The following RBPJ variants were observed in gnomAD, a reference collection of about 807,000 sequenced individuals.
RBPJ encodes recombination signal binding protein for immunoglobulin kappa J region, also known as recombining binding protein suppressor of hairless.
RBPJ carries 9 observed loss-of-function variants against 67.8 expected under a neutral mutation model. The ratio of observed to expected loss-of-function variants is 0.13; its 90% CI spans 0.08 to 0.23. The LOEUF (loss-of-function observed/expected upper bound fraction) is 0.23. Among genes scored for constraint, RBPJ ranks in the 10% least tolerant of loss-of-function variants. The pLI, the probability that RBPJ is intolerant of heterozygous loss-of-function variation, is 1.00. For synonymous variants in RBPJ, 198 were observed against 203.3 expected (o/e 0.97, Z 0.22); for missense variants, 305 against 595.6 (o/e 0.51, Z 5.08).
At position 26,224,705 on chromosome 4, in the gene RBPJ, A is replaced by G. The variant is rs531160838; in HGVS notation, c.-167+61091A>G. ...CAGAATCCAAGTAACATGAGCTTCT[A>G]CTGAAGCATGGTGTTAGCATGCAGT... On this transcript the variant is annotated intron_variant, in intron 1 of 4. Coordinates refer to the RBPJ transcript ENST00000512351. Among the ~76,000 whole-genome samples the G allele has an allele frequency of 4.6e-5, 7 of 152,310 alleles. No homozygotes were observed. In the South Asian group the frequency reaches 1.5e-3, roughly 32 times the overall value.
chr4:26,153,389 T>A, the RBPJ span, among the ~76,000 whole-genome samples: 5 of 152,202 alleles, frequency 3.3e-5, no homozygotes, highest in African/African-American at 1.2e-4. Context: ...GCATCAGCTG[T>A]GAAACAACAG....
At chr4:26,220,918 A>G (rs1265762934) in intron 1 of RBPJ, among the ~76,000 whole-genome samples, 1 of 152,216 alleles carries the variant, frequency 6.6e-6, no homozygotes, top group Non-Finnish European at 1.5e-5. Flanking sequence ...GCCCAAACAC[A>G]TATTTTGGCC....
chr4:26,320,915 G>A, upstream of RBPJ: 2 of 1,602,064 alleles, frequency 1.2e-6, no homozygotes, highest in Non-Finnish European at 1.7e-6. Flanking sequence ...GGGAGCGCGG[G>A]GGCTGGGTGG....
chr4:26,192,091 C>T (rs1717577986), intron 1 of RBPJ, among the ~76,000 whole-genome samples: 1 of 151,894 alleles, frequency 6.6e-6, no homozygotes, highest in Non-Finnish European at 1.5e-5. Context: ...TCACTGCAAC[C>T]TCTGCCTCCC....
chr4:26,191,933 C>T (rs1291818154), intron 1 of RBPJ, among the ~76,000 whole-genome samples: 2 of 152,168 alleles, frequency 1.3e-5, no homozygotes, highest in African/African-American at 4.8e-5. Context: ...TCTAGGGATA[C>T]CAATCTCAGG....
chr4:26,370,671 A>G (rs1394593341), intron 1 of RBPJ, among the ~76,000 whole-genome samples: 1 of 152,208 alleles, frequency 6.6e-6, no homozygotes, highest in Non-Finnish European at 1.5e-5. Context: ...GCAAGTAATA[A>G]CAGTAAGCTA....
chr4:26,229,733 GTAT>G (rs1719209719), intron 1 of RBPJ, among the ~76,000 whole-genome samples: 1 of 152,026 alleles, frequency 6.6e-6, no homozygotes, highest in Non-Finnish European at 1.5e-5. Flanking sequence ...ATGTTTATGG[GTAT>G]TATTATAAGA....
In RBPJ at chr4:26,172,478, C is replaced by T. The variant is rs189120495; in HGVS notation, c.-167+8864C>T. Reference sequence around the variant, plus strand: ...CCTCTGTCTCAGCCCTGAAAAGTCTCCTCCTGGGAATAACTGTCATTTCCT... The same window carrying T: ...CCTCTGTCTCAGCCCTGAAAAGTCTTCTCCTGGGAATAACTGTCATTTCCT... On this transcript the variant is annotated intron_variant, in intron 1 of 4. Coordinates refer to the RBPJ transcript ENST00000512351. Among the ~76,000 whole-genome samples the T allele has an allele frequency of 2.8e-3, 419 of 152,262 alleles. 8 individuals carry two copies. The highest frequency in any genetic ancestry group is 1.4e-3 in the Non-Finnish European group (92 of 68,024).
At chr4:26,344,451 G>A (rs1227837853) in intron 1 of RBPJ, among the ~76,000 whole-genome samples, 1 of 150,626 alleles carries the variant, frequency 6.6e-6, no homozygotes, top group Non-Finnish European at 1.5e-5. Context: ...TGGCCAGGAT[G>A]GTCTGGATCT....
At chr4:26,327,729 C>T (rs1243378900) in intron 1 of RBPJ, among the ~76,000 whole-genome samples, 1 of 151,794 alleles carries the variant, frequency 6.6e-6, no homozygotes, top group South Asian at 2.1e-4. Context: ...CCTGTAATCC[C>T]AGCACTTTGG....
the RBPJ span, among the ~76,000 whole-genome samples, chr4:26,139,066 G>A: frequency 2.0e-5 from 3 of 152,214 alleles, no homozygotes; most frequent in East Asian, 1.9e-4. Context: ...CTGAGGTTCC[G>A]AGAGGCGGGA....
At chr4:26,300,648 T>C (rs1722045066) in intron 1 of RBPJ, among the ~76,000 whole-genome samples, 1 of 152,220 alleles carries the variant, frequency 6.6e-6, no homozygotes, top group Admixed American at 6.5e-5. Flanking sequence ...CCTTTATCAT[T>C]ATTTAAAATG....
intron 1 of RBPJ, among the ~76,000 whole-genome samples, chr4:26,285,297 G>A (rs1295321665): frequency 7.5e-6 from 1 of 133,088 alleles, no homozygotes; most frequent in Non-Finnish European, 1.5e-5. Context: ...GTGATAACTG[G>A]GCCCCAGTGT....
intron 1 of RBPJ, among the ~76,000 whole-genome samples, chr4:26,185,001 G>A (rs746227748): frequency 2.0e-5 from 3 of 152,010 alleles, no homozygotes; most frequent in African/African-American, 7.3e-5. Context: ...AATTAGCTGG[G>A]TGTGGCATCA....
the RBPJ span, among the ~76,000 whole-genome samples, chr4:26,156,861 G>T: frequency 6.6e-6 from 1 of 151,824 alleles, no homozygotes; most frequent in African/African-American, 2.4e-5. Context: ...CTTGAGCCCA[G>T]GAATTGGAGG....
intron 1 of RBPJ, among the ~76,000 whole-genome samples, chr4:26,257,874 T>C (rs982864979): frequency 1.3e-5 from 2 of 152,200 alleles, no homozygotes; most frequent in Non-Finnish European, 2.9e-5. Flanking sequence ...CCAAATAACC[T>C]GGGCAACCAA....
At chr4:26,153,262 C>T in the RBPJ span, among the ~76,000 whole-genome samples, 3 of 152,174 alleles carry the variant, frequency 2.0e-5, no homozygotes, top group Non-Finnish European at 2.9e-5. Context: ...TGTTTTCTTA[C>T]ATTTATTCAC....
intron 4 of RBPJ, among the ~76,000 whole-genome samples, chr4:26,419,618 TTGATCCTTTAAA>T (rs1734929834): frequency 1.3e-5 from 2 of 152,220 alleles, no homozygotes; most frequent in African/African-American, 4.8e-5. Flanking sequence ...AAGTGGAATG[TTGATCCTTTAAA>T]AAATATAATT....
At chr4:26,429,677 A>C (rs968887151) in intron 8 of RBPJ, among the ~76,000 whole-genome samples, 3 of 152,222 alleles carry the variant, frequency 2.0e-5, no homozygotes, top group African/African-American at 7.2e-5. Flanking sequence ...TCACTGAAAT[A>C]GTTTGTATTA....
Sources: gnomAD v4.1 joint callset for allele counts (sites outside exome capture counted in the v4.1 genomes callset) on GRCh38, gnomAD v4.1.1 for gene constraint, MANE v1.5 for transcripts, NCBI Gene and HGNC (gene_info 2026-07-23, HGNC 2026-07-21) for gene names.